Variants in TTLL7 observed in about 807,000 individuals in gnomAD.
The protein encoded by TTLL7 is tubulin polyglutamylase TTLL7.
TTLL7 carries 53 observed loss-of-function variants against 120.2 expected under a neutral mutation model. The observed-to-expected ratio is 0.44, with a 90% CI of 0.35 to 0.55. TTLL7 has a LOEUF of 0.55. Ranked by LOEUF, TTLL7 falls within the 20% of genes least tolerant of loss-of-function variation. The pLI is 0.00. For synonymous variants in TTLL7, 353 were observed against 351.7 expected, an observed-to-expected ratio of 1.00 and a Z score of -0.04; for missense variants, 803 against 1,054.7, an observed-to-expected ratio of 0.76 and a Z score of 3.31.
In TTLL7 at chr1:83,917,464, T is replaced by C. The variant is rs2100786859; in HGVS notation, c.1587+140A>G. On this transcript the variant is annotated intron_variant, in intron 14 of 20. Transcript: ENST00000260505. ...AACTCCTGAGTGTAAGGTATCATCA[T>C]CTTCCAAACTTTACCTGCACTGGGC... 4 of 586,012 alleles carry C rather than the reference T, an allele frequency of 6.8e-6. No homozygotes were observed. In the East Asian group the frequency reaches 1.1e-4, roughly 16 times the overall value. The allele number at this position is 586,012 out of a possible 1,614,324, so 36.3% of individuals were successfully genotyped here. A position where few individuals can be genotyped will look rare whatever the true frequency, so the allele number is the denominator to read the frequency against.
At chr1:83,943,263 G>C (rs781565450) in intron 6 of TTLL7, among the ~76,000 whole-genome samples, 1 of 152,158 alleles carries the variant, frequency 6.6e-6, no homozygotes, top group Non-Finnish European at 1.5e-5. Context: ...AGGAAGGGCT[G>C]AGCAATGAGA....
At chr1:83,873,677 A>C (rs958991535) in intron 20 of TTLL7, among the ~76,000 whole-genome samples, 3 of 152,176 alleles carry the variant, frequency 2.0e-5, no homozygotes, top group Non-Finnish European at 2.9e-5. Context: ...ATTAAGTACA[A>C]ACATAGAGCC....
chr1:83,896,182 G>A (rs78106875), intron 18 of TTLL7, among the ~76,000 whole-genome samples: 6,345 of 152,112 alleles, frequency 0.042, 156 homozygotes, highest in Middle Eastern at 0.099. Context: ...GTGCCCTTGT[G>A]TTATCTGTGG....
intron 12 of TTLL7, 23 bp downstream of exon 12, chr1:83,921,064 T>A (rs979445810): frequency 1.3e-6 from 2 of 1,595,548 alleles, no homozygotes; most frequent in Admixed American, 3.6e-5. Context: ...TTTCAATCTA[T>A]ACAAAAATAG....
chr1:83,881,021 G>A (rs1037842558), intron 20 of TTLL7, among the ~76,000 whole-genome samples: 1 of 151,900 alleles, frequency 6.6e-6, no homozygotes, highest in African/African-American at 2.4e-5. Flanking sequence ...ATGGTGCTGG[G>A]AAAACTGGCT....
intron 9 of TTLL7, among the ~76,000 whole-genome samples, chr1:83,931,577 A>G (rs1659602037): frequency 6.6e-6 from 1 of 152,138 alleles, no homozygotes; most frequent in African/African-American, 2.4e-5. Flanking sequence ...CATAAAATGC[A>G]CATCTGAATA....
Position 83,905,696 on chromosome 1 carries a change from G to A in TTLL7, c.2127+633C>T, listed in dbSNP as rs1205245392. 2.6e-5 allele frequency among the ~76,000 whole-genome samples: 4 copies of A among 152,004 alleles called. No individual in the cohort carries two copies. In the South Asian group the frequency reaches 8.3e-4, roughly 32 times the overall value. On this transcript the variant is annotated intron_variant, in intron 17 of 20. Coordinates refer to ENST00000260505, the MANE Select transcript of TTLL7 (RefSeq NM_024686.6). ...TGAATGAAGAAATGTAACCTTGCATGAAGAAATGCGCTTTCACAAAAATTA... is the reference window on the plus strand; with the variant it reads ...TGAATGAAGAAATGTAACCTTGCATAAAGAAATGCGCTTTCACAAAAATTA...
At chr1:83,894,590 T>C (rs1429622405) in intron 18 of TTLL7, among the ~76,000 whole-genome samples, 1 of 152,110 alleles carries the variant, frequency 6.6e-6, no homozygotes, top group Non-Finnish European at 1.5e-5. Context: ...AGTACCATAT[T>C]CTAGCCCATA....
intron 20 of TTLL7, 151 bp downstream of exon 20, chr1:83,882,812 T>A: frequency 1.3e-6 from 1 of 780,414 alleles, no homozygotes; most frequent in Admixed American, 2.9e-5. Context: ...CTGTACTAAT[T>A]AAAAATATTT....
chr1:83,987,483 C>A (rs1162733115), intron 1 of TTLL7, among the ~76,000 whole-genome samples: 1 of 151,936 alleles, frequency 6.6e-6, no homozygotes, highest in Non-Finnish European at 1.5e-5. Flanking sequence ...GTGGCTCTTC[C>A]ACAGAGACAA....
intron 18 of TTLL7, among the ~76,000 whole-genome samples, chr1:83,892,944 A>AAGAAAAGAAAGAAAGAAAGAG (rs1655885170): frequency 9.0e-6 from 1 of 110,566 alleles, no homozygotes; most frequent in African/African-American, 5.4e-5. Context: ...GAAAGAAAGA[A>AAGAAAAGAAAGAAAGAAAGAG]AGAAAGAAAA....
At chr1:83,968,758 T>C (rs1304799512) in intron 1 of TTLL7, among the ~76,000 whole-genome samples, 4 of 152,022 alleles carry the variant, frequency 2.6e-5, no homozygotes, top group Admixed American at 6.6e-5. Flanking sequence ...AAATCTGTAT[T>C]ATTGTCAAAT....
In TTLL7 at chr1:83,964,257, G is replaced by A. The variant is rs531315821; in HGVS notation, c.-176-11870C>T. 5.1e-4 allele frequency among the ~76,000 whole-genome samples: 78 copies of A among 152,132 alleles called. 1 individual carries two copies. The highest frequency in any genetic ancestry group is 1.9e-3 in the African/African-American group (78 of 41,530). ...CACCACAATCTTTGCCATGAAACCA[G>A]TCCTTTTATAGAAATGCAGAGGAAA... On this transcript the variant is annotated intron_variant, in intron 1 of 20. Coordinates refer to ENST00000260505, the MANE Select transcript of TTLL7 (RefSeq NM_024686.6).
At chr1:83,991,683 A>T (rs951430144) in intron 1 of TTLL7, among the ~76,000 whole-genome samples, 1 of 152,156 alleles carries the variant, frequency 6.6e-6, no homozygotes, top group East Asian at 1.9e-4. Context: ...AATGCTACAA[A>T]ATATTCACTG....
intron 8 of TTLL7, among the ~76,000 whole-genome samples, chr1:83,934,499 T>C (rs548118917): frequency 5.3e-5 from 8 of 152,326 alleles, no homozygotes; most frequent in African/African-American, 1.9e-4. Context: ...TTTTGTAGTG[T>C]ATAAGTTTTA....
intron 1 of TTLL7, among the ~76,000 whole-genome samples, chr1:83,952,983 G>A (rs1051457658): frequency 6.6e-6 from 1 of 152,166 alleles, no homozygotes; most frequent in Non-Finnish European, 1.5e-5. Context: ...ACAGAATGCA[G>A]AGAAGTGATT....
At position 83,869,651 on chromosome 1, in the gene TTLL7, T is replaced by C. The variant is rs1264119908; in HGVS notation, c.*311A>G. 1 of 169,754 alleles carries C rather than the reference T, an allele frequency of 5.9e-6. No individual in the cohort carries two copies. Among genetic ancestry groups the C allele is most frequent in the Non-Finnish European group, 1.3e-5 (1 of 79,970 alleles). The allele number at this position is 169,754 out of a possible 1,614,324, so 10.5% of individuals were successfully genotyped here. A position where few individuals can be genotyped will look rare whatever the true frequency, so the allele number is the denominator to read the frequency against. Reference sequence around the variant, plus strand: ...TCTGCAGCAAAAATAACATTTCTAGTAGGAAGGAATTAATTATAAACCTAG... The same window carrying C: ...TCTGCAGCAAAAATAACATTTCTAGCAGGAAGGAATTAATTATAAACCTAG... On this transcript the variant is annotated 3_prime_UTR_variant, in exon 21 of 21. Coordinates refer to ENST00000260505, the MANE Select transcript of TTLL7 (RefSeq NM_024686.6).
chr1:83,896,663 G>C (rs1282095218), intron 18 of TTLL7, among the ~76,000 whole-genome samples: 2 of 152,042 alleles, frequency 1.3e-5, no homozygotes, highest in Non-Finnish European at 2.9e-5. Context: ...GCATGCAGAA[G>C]CAGCCACAGT....
intron 8 of TTLL7, among the ~76,000 whole-genome samples, chr1:83,934,705 A>G (rs1429590655): frequency 6.6e-6 from 1 of 152,200 alleles, no homozygotes; most frequent in African/African-American, 2.4e-5. Flanking sequence ...CCCTCTCTAC[A>G]GGTATAGGCA....
Sources: allele counts gnomAD v4.1 joint callset (sites outside exome capture counted in the v4.1 genomes callset), GRCh38; gene constraint gnomAD v4.1.1; transcripts MANE v1.5; gene names NCBI Gene and HGNC (gene_info 2026-07-23, HGNC 2026-07-21).